Variants in PPP1R37 observed in about 807,000 individuals in gnomAD.
PPP1R37 encodes the protein leucine rich repeat containing 68.
In PPP1R37, 21 loss-of-function variants were observed where a neutral mutation model predicts 61.0. The ratio of observed to expected loss-of-function variants is 0.34; its 90% confidence interval spans 0.24 to 0.50. PPP1R37 has a LOEUF of 0.50. Ranked by LOEUF, PPP1R37 falls within the 20% of genes least tolerant of loss-of-function variation. PPP1R37 has a pLI of 0.98. For missense variants in PPP1R37, 910 were observed against 952.7 expected (o/e 0.96, Z 0.59); for synonymous variants, 443 against 433.5 (o/e 1.02, Z -0.27).
rs944790641 is a variant in PPP1R37 at position 45,145,786 on chromosome 19, C to A, written c.1730C>A (p.Pro577Gln). The A allele has an allele frequency of 3.3e-6, 5 of 1,508,068 alleles. No individual in the cohort carries two copies. The highest frequency in any genetic ancestry group is 2.0e-5 in the Admixed American group (1 of 49,218). 93.4% of individuals were successfully genotyped at this position (1,508,068 alleles called of 1,614,324 possible). Residue 577 changes from proline to glutamine, a missense_variant, in exon 11 of 13, where the codon CCG (proline) becomes CAG (glutamine). Coordinates refer to ENST00000221462, the MANE Select transcript of PPP1R37 (RefSeq NM_019121.2). ...TTTGTGGTGACCCGGGTGGAGAGCC[C>A]GCCCGAGAGGGCAGAGCCCCCTGCG... ...KVFVVTRVES[P>Q]PERAEPPASP... is the part of the protein sequence containing the mutation.
intron 1 of PPP1R37, chr19:45,108,839 C>T (rs1968165733): frequency 6.6e-6 from 1 of 152,158 alleles, no homozygotes; most frequent in South Asian, 2.1e-4. Flanking sequence ...CAGGATTTCT[C>T]CATGTTGGTC....
At chr19:45,127,348 A>G (rs1300342723) in intron 1 of PPP1R37, among the ~76,000 whole-genome samples, 5 of 115,054 alleles carry the variant, frequency 4.3e-5, no homozygotes, top group Non-Finnish European at 7.1e-5. Context: ...GTAAAACTCC[A>G]TCTCAAAAAA....
At chr19:45,128,949 C>T (rs1474798025) in intron 1 of PPP1R37, 9 of 751,670 alleles carry the variant, frequency 1.2e-5, no homozygotes, top group African/African-American at 3.5e-5. Context: ...GCAAAAGTAC[C>T]GCTGTGGAGA....
chr19:45,129,666 C>G (rs558958299), intron 1 of PPP1R37, among the ~76,000 whole-genome samples: 1 of 152,226 alleles, frequency 6.6e-6, no homozygotes, highest in South Asian at 2.1e-4. Context: ...CTTGTGCCCT[C>G]CCCACTCACC....
At chr19:45,117,877 C>T (rs1243447600) in intron 1 of PPP1R37, among the ~76,000 whole-genome samples, 2 of 152,226 alleles carry the variant, frequency 1.3e-5, no homozygotes, top group African/African-American at 4.8e-5. Context: ...CTCAGTGGCT[C>T]AGCTGATGAG....
intron 1 of PPP1R37, among the ~76,000 whole-genome samples, chr19:45,134,851 T>TA: frequency 6.6e-6 from 1 of 152,166 alleles, no homozygotes; most frequent in Non-Finnish European, 1.5e-5. Context: ...CCAGACCCTG[T>TA]AGGTGCCCAG....
At chr19:45,111,949 G>A (rs1266261530) in intron 1 of PPP1R37, among the ~76,000 whole-genome samples, 1 of 151,918 alleles carries the variant, frequency 6.6e-6, no homozygotes, top group Non-Finnish European at 1.5e-5. Flanking sequence ...GGAAATTCCT[G>A]GGTCTTGGTT....
At chr19:45,141,265 G>A (rs968655202) in intron 4 of PPP1R37, 57 bp from the exon 5 acceptor site, 12 of 1,485,540 alleles carry the variant, frequency 8.1e-6, no homozygotes, top group African/African-American at 4.2e-5. Context: ...CAGGGCCCAC[G>A]CCTCTCCTCC....
intron 1 of PPP1R37, among the ~76,000 whole-genome samples, chr19:45,124,678 G>T (rs1035574994): frequency 6.6e-6 from 1 of 152,082 alleles, no homozygotes; most frequent in Admixed American, 6.6e-5. Flanking sequence ...TAGGTTTTGG[G>T]GACTGGGCTT....
chr19:45,112,641 C>T (rs1191329154), intron 1 of PPP1R37, among the ~76,000 whole-genome samples: 4 of 152,180 alleles, frequency 2.6e-5, no homozygotes, highest in Non-Finnish European at 5.9e-5. Context: ...CAGGACGCCC[C>T]CAACCCCAAG....
chr19:45,118,210 G>A (rs1164619897), intron 1 of PPP1R37, among the ~76,000 whole-genome samples: 1 of 152,204 alleles, frequency 6.6e-6, no homozygotes, highest in African/African-American at 2.4e-5. Flanking sequence ...CCCAGCCGCT[G>A]TCCCCATGAG....
intron 1 of PPP1R37, chr19:45,128,602 C>T: frequency 7.9e-7 from 1 of 1,261,700 alleles, no homozygotes; most frequent in Admixed American, 1.8e-5. Context: ...ACAAGAGATG[C>T]AGGGGCCTCG....
chr19:45,112,292 G>A lies in PPP1R37; in HGVS notation c.202+18765G>A, dbSNP rs1366970688. Among the ~76,000 whole-genome samples the A allele has an allele frequency of 5.9e-5, 9 of 152,364 alleles. No homozygotes were observed. In the East Asian group the frequency reaches 1.7e-3, roughly 29 times the overall value. ...TGATACATTTCACCTGGAGTGCTGG[G>A]ATGACAGGCGTGGGATTACCTTCTG... is the stretch of plus-strand genomic sequence containing the variant. On this transcript the variant is annotated intron_variant, in intron 1 of 12. Transcript: ENST00000221462.
intron 1 of PPP1R37, among the ~76,000 whole-genome samples, chr19:45,119,738 G>A (rs994465868): frequency 3.3e-4 from 50 of 152,348 alleles, no homozygotes; most frequent in African/African-American, 1.2e-3. Context: ...CACTGGGAAA[G>A]TGGCCAGGTA....
At chr19:45,137,846 A>AAC (rs1411411308) in intron 1 of PPP1R37, among the ~76,000 whole-genome samples, 1 of 151,784 alleles carries the variant, frequency 6.6e-6, no homozygotes, top group Non-Finnish European at 1.5e-5. Context: ...AAAAAAAAAA[A>AAC]ACAAACCAAG....
intron 1 of PPP1R37, among the ~76,000 whole-genome samples, chr19:45,122,496 T>G (rs1381527274): frequency 6.6e-6 from 1 of 152,112 alleles, no homozygotes. Context: ...CTCCCCTCAT[T>G]ATAGCATAAA....
At chr19:45,127,176 C>G (rs983125679) in intron 1 of PPP1R37, among the ~76,000 whole-genome samples, 1 of 151,886 alleles carries the variant, frequency 6.6e-6, no homozygotes, top group Non-Finnish European at 1.5e-5. Flanking sequence ...CTGGTGAAAC[C>G]CCATCTCTAT....
Position 45,142,088 on chromosome 19 carries a change from C to T in PPP1R37, c.595C>T (p.Arg199Cys), listed in dbSNP as rs746945972. The change falls in exon 6 of 13, where the codon CGC (arginine) becomes TGC (cysteine). Residue 199 changes from arginine to cysteine, a missense_variant. By Grantham distance (180) the Arg-to-Cys change is radical. Around this residue, in one of 3 missense-constraint regions of PPP1R37, gnomAD observed 280 missense variants for 382.2 expected, o/e 0.73. Coordinates refer to ENST00000221462, the MANE Select transcript of PPP1R37 (RefSeq NM_019121.2). ...GAGCTGCCTGCAGTATCTGGACGCC[C>T]GCAACACGCCCCTGCTGGACCACTC... is the stretch of plus-strand genomic sequence containing the variant. Reference protein sequence around the residue: ...KTSCLQYLDARNTPLLDHSAP... With the variant: ...KTSCLQYLDACNTPLLDHSAP... The T allele has an allele frequency of 2.0e-5, 31 of 1,528,228 alleles. No homozygotes were observed. Among genetic ancestry groups the T allele is most frequent in the East Asian group, 1.2e-4 (5 of 40,770 alleles). The allele number at this position is 1,528,228 out of a possible 1,614,324, so 94.7% of individuals were successfully genotyped here.
At chr19:45,122,908 G>C (rs568816563) in intron 1 of PPP1R37, among the ~76,000 whole-genome samples, 3 of 152,040 alleles carry the variant, frequency 2.0e-5, no homozygotes, top group African/African-American at 7.2e-5. Flanking sequence ...GACCCCTCTC[G>C]TCTCACACTC....
Sources: gnomAD v4.1 joint callset for allele counts (sites outside exome capture counted in the v4.1 genomes callset) on GRCh38, gnomAD v4.1.1 for gene constraint, gnomAD v4.1.1 regional missense constraint, MANE v1.5 for transcripts, NCBI Gene and HGNC (gene_info 2026-07-23, HGNC 2026-07-21) for gene names.